RIMKLB: variants seen among roughly 807,000 people sequenced by gnomAD.
The protein encoded by RIMKLB is beta-citrylglutamate synthase B.
A neutral mutation model predicts 32.0 loss-of-function variants in RIMKLB; 7 were observed. The ratio of observed to expected loss-of-function variants is 0.22; its 90% CI spans 0.12 to 0.41. The LOEUF (loss-of-function observed/expected upper bound fraction) is 0.41. Among genes scored for constraint, RIMKLB ranks in the 10% least tolerant of loss-of-function variants. The pLI, the probability that RIMKLB is intolerant of heterozygous loss-of-function variation, is 1.00. For missense variants in RIMKLB, 289 were observed against 498.7 expected (o/e 0.58, Z 4.00); for synonymous variants, 172 against 185.1 (o/e 0.93, Z 0.57).
At chr12:8,706,896 A>T (rs904912980) in intron 1 of RIMKLB, among the ~76,000 whole-genome samples, 4 of 152,170 alleles carry the variant, frequency 2.6e-5, no homozygotes, top group Non-Finnish European at 5.9e-5. Context: ...GAAGGAATAA[A>T]GTTGAAACCT....
chr12:8,751,009 C>CT (rs1211200118), intron 3 of RIMKLB, among the ~76,000 whole-genome samples: 2 of 152,144 alleles, frequency 1.3e-5, no homozygotes, highest in East Asian at 1.9e-4. Context: ...AAAAGGAACT[C>CT]TTCCCCCTCA....
At chr12:8,735,286 T>C (rs1050484377) in intron 2 of RIMKLB, among the ~76,000 whole-genome samples, 9 of 152,120 alleles carry the variant, frequency 5.9e-5, no homozygotes, top group Admixed American at 6.6e-5. Context: ...CTGGAATGCA[T>C]TGCCACAATC....
intron 1 of RIMKLB, among the ~76,000 whole-genome samples, chr12:8,682,790 A>T (rs1026002495): frequency 2.8e-5 from 3 of 105,274 alleles, no homozygotes; most frequent in African/African-American, 1.1e-4. Flanking sequence ...AATAAAAATA[A>T]AAATAAATAA....
At chr12:8,780,530 C>T (rs772119847), downstream of RIMKLB, 4 of 152,260 alleles carry the variant, frequency 2.6e-5, no homozygotes, top group East Asian at 1.9e-4. Flanking sequence ...CTTATTTAAT[C>T]TGAATGGTAA....
chr12:8,704,156 C>G (rs896353524), intron 1 of RIMKLB, among the ~76,000 whole-genome samples: 9 of 151,996 alleles, frequency 5.9e-5, no homozygotes, highest in African/African-American at 1.2e-4. Flanking sequence ...CTGAGGCAGG[C>G]GGATCATTTG....
intron 2 of RIMKLB, among the ~76,000 whole-genome samples, chr12:8,720,087 G>A (rs916836245): frequency 6.6e-6 from 1 of 152,176 alleles, no homozygotes; most frequent in Admixed American, 6.5e-5. Context: ...GATAAGTTTG[G>A]TATAGCTAGA....
At position 8,776,111 on chromosome 12, in the gene RIMKLB, G is replaced by C. The variant is rs924893057; in HGVS notation, c.*2327G>C. ...TTGAATAGTTACATATCACAAGTATGTAGTTCATGTTTGTGTTGGTGGGGT... is the reference window on the plus strand; with the variant it reads ...TTGAATAGTTACATATCACAAGTATCTAGTTCATGTTTGTGTTGGTGGGGT... On this transcript the variant is annotated 3_prime_UTR_variant, in exon 6 of 6. Transcript: ENST00000535829. The C allele has an allele frequency of 2.0e-6, 2 of 985,054 alleles. No individual in the cohort carries two copies. Among genetic ancestry groups the C allele is most frequent in the Non-Finnish European group, 2.4e-6 (2 of 829,722 alleles). 61.0% of individuals were successfully genotyped at this position (985,054 alleles called of 1,614,324 possible). A position where few individuals can be genotyped will look rare whatever the true frequency, so the allele number is the denominator to read the frequency against.
intron 5 of RIMKLB, among the ~76,000 whole-genome samples, chr12:8,763,972 C>T (rs886250268): frequency 2.0e-5 from 3 of 152,168 alleles, no homozygotes; most frequent in African/African-American, 7.2e-5. Context: ...CACTCTGCTT[C>T]CTCTGGCATT....
At chr12:8,749,167 T>TTG (rs1262570034) in intron 2 of RIMKLB, among the ~76,000 whole-genome samples, 1 of 152,154 alleles carries the variant, frequency 6.6e-6, no homozygotes, top group Non-Finnish European at 1.5e-5. Context: ...TTTCCTGTCT[T>TTG]GACACCCAGT....
rs71451981 is a variant in RIMKLB, at chr12:8,716,725, CT to C, written c.175+2708del. Among the ~76,000 whole-genome samples, 655 of 95,158 alleles carry C rather than the reference CT, an allele frequency of 6.9e-3. 4 individuals are homozygous for C. The highest frequency in any genetic ancestry group is 0.023 in the African/African-American group (569 of 24,848). The allele number at this position is 95,158 out of a possible 152,430, so 62.4% of individuals were successfully genotyped here. On this transcript the variant is annotated intron_variant, in intron 2 of 5. Coordinates refer to ENST00000535829, the MANE Select transcript of RIMKLB (RefSeq NM_001297776.2). ...CTCTAGCTTTTTCTTTCTTTTCCTT[CT>C]TTTTTTTTTTTTTTTTTTTTTTTAC...
intron 5 of RIMKLB, 75 bp downstream of exon 5, chr12:8,754,168 T>G (rs1948834780): frequency 1.8e-6 from 2 of 1,102,746 alleles, no homozygotes; most frequent in Non-Finnish European, 1.4e-6. Context: ...CATATGTATG[T>G]AACTCTAGAC....
upstream of RIMKLB, among the ~76,000 whole-genome samples, chr12:8,677,256 C>T (rs977137987): frequency 2.6e-5 from 4 of 152,056 alleles, no homozygotes; most frequent in African/African-American, 9.7e-5. Flanking sequence ...CACAGTGCAC[C>T]CCCACCCTCA....
At chr12:8,686,805 T>C (rs1162872249) in intron 1 of RIMKLB, among the ~76,000 whole-genome samples, 4 of 152,326 alleles carry the variant, frequency 2.6e-5, no homozygotes, top group African/African-American at 9.6e-5. Flanking sequence ...AAAAAGTTAA[T>C]GCTATATAGA....
At chr12:8,781,201 C>T (rs1951011679), downstream of RIMKLB, among the ~76,000 whole-genome samples, 1 of 151,986 alleles carries the variant, frequency 6.6e-6, no homozygotes, top group South Asian at 2.1e-4. Context: ...ATAAGCTGGA[C>T]GTGGTGGCGG....
intron 1 of RIMKLB, among the ~76,000 whole-genome samples, chr12:8,707,675 A>G (rs1364525634): frequency 6.6e-6 from 1 of 152,188 alleles, no homozygotes; most frequent in Admixed American, 6.5e-5. Flanking sequence ...TCTGGTGACC[A>G]GCCTCCATAC....
At chr12:8,703,057 G>A (rs769528793) in intron 1 of RIMKLB, among the ~76,000 whole-genome samples, 1 of 152,288 alleles carries the variant, frequency 6.6e-6, no homozygotes, top group South Asian at 2.1e-4. Flanking sequence ...GGGCCAAGAT[G>A]GGTGGATCAC....
chr12:8,711,493 A>G (rs1368264373), intron 1 of RIMKLB, among the ~76,000 whole-genome samples: 1 of 152,134 alleles, frequency 6.6e-6, no homozygotes, highest in Non-Finnish European at 1.5e-5. Flanking sequence ...AGTCAGTGAC[A>G]GAGTCTTTTA....
At chr12:8,694,482 AC>A (rs1450458596), upstream of RIMKLB, among the ~76,000 whole-genome samples, 1 of 126,904 alleles carries the variant, frequency 7.9e-6, no homozygotes, top group African/African-American at 3.0e-5. Flanking sequence ...TGCAACCTCC[AC>A]CCCCAGGTTC....
intron 5 of RIMKLB, among the ~76,000 whole-genome samples, chr12:8,761,103 A>T (rs1949481903): frequency 6.6e-6 from 1 of 152,042 alleles, no homozygotes; most frequent in African/African-American, 2.4e-5. Flanking sequence ...TAATCCCAGC[A>T]CTTTGGGAGG....
Sources: allele counts gnomAD v4.1 joint callset (sites outside exome capture counted in the v4.1 genomes callset), GRCh38; gene constraint gnomAD v4.1.1; transcripts MANE v1.5; gene names NCBI Gene and HGNC (gene_info 2026-07-23, HGNC 2026-07-21).